MORF4L1: variants seen among roughly 807,000 people sequenced by gnomAD.
MORF4L1 encodes the protein mortality factor 4-like protein 1.
A neutral mutation model predicts 52.9 loss-of-function variants in MORF4L1; 4 were observed. The observed-to-expected ratio is 0.08, with a 90% CI of 0.04 to 0.17. The LOEUF (loss-of-function observed/expected upper bound fraction) is 0.17. MORF4L1 is among the 10% of genes least tolerant of loss of function. MORF4L1 has a pLI of 1.00. For missense variants in MORF4L1, 214 were observed against 390.4 expected (o/e 0.55, Z 3.81); for synonymous variants, 123 against 134.8 (o/e 0.91, Z 0.61).
At chr15:78,891,968 A>T (rs1374039663) in intron 7 of MORF4L1, among the ~76,000 whole-genome samples, 3 of 152,248 alleles carry the variant, frequency 2.0e-5, no homozygotes. Context: ...GAGGAACCTT[A>T]CTGAAGAATT....
intron 1 of MORF4L1, 41 bp downstream of exon 1, chr15:78,873,098 G>C: frequency 6.5e-7 from 1 of 1,550,156 alleles, no homozygotes; most frequent in South Asian, 1.2e-5. Flanking sequence ...TAACGGCGCA[G>C]GAGATAGAGG....
intron 3 of MORF4L1, among the ~76,000 whole-genome samples, chr15:78,884,143 G>T (rs1212005425): frequency 4.0e-5 from 6 of 151,374 alleles, no homozygotes; most frequent in Non-Finnish European, 7.4e-5. Flanking sequence ...GGCAGAGGTT[G>T]CAGTGAGCCG....
intron 1 of MORF4L1, 100 bp downstream of exon 1, chr15:78,873,157 G>T: frequency 6.5e-7 from 1 of 1,538,086 alleles, no homozygotes; most frequent in Non-Finnish European, 8.8e-7. Flanking sequence ...CGCGGGCTGC[G>T]CCCTGAGAAG....
chr15:78,873,157 GC>G, intron 1 of MORF4L1, 100 bp downstream of exon 1: 1 of 1,538,086 alleles, frequency 6.5e-7, no homozygotes. Context: ...CGCGGGCTGC[GC>G]CCTGAGAAGG....
intron 5 of MORF4L1, among the ~76,000 whole-genome samples, chr15:78,889,821 G>A (rs2056767903): frequency 6.6e-6 from 1 of 152,062 alleles, no homozygotes. Context: ...ATTATTTAAA[G>A]CTACAGAAAA....
intron 5 of MORF4L1, among the ~76,000 whole-genome samples, chr15:78,888,705 G>A (rs1168593251): frequency 2.6e-5 from 4 of 152,168 alleles, no homozygotes; most frequent in Admixed American, 2.6e-4. Context: ...TTGCACCACT[G>A]CGCTCCAGCC....
chr15:78,881,504 TG>T (rs1721325828), intron 3 of MORF4L1, among the ~76,000 whole-genome samples: 3 of 152,000 alleles, frequency 2.0e-5, no homozygotes, highest in Middle Eastern at 3.4e-3. Flanking sequence ...TTTTTGTGTG[TG>T]TGTGTGTGTA....
Position 78,891,460 on chromosome 15 carries a change from A to G in MORF4L1, c.350-24A>G, listed in dbSNP as rs1368199730. On this transcript the variant is annotated intron_variant, in intron 6 of 11. Coordinates refer to ENST00000426013, the MANE Select transcript of MORF4L1 (RefSeq NM_006791.4). Reference sequence around the variant, plus strand: ...GAGTTTGTTAAATTAGCTAAATGAGACCCCTCCCCGCCAACATTTACAGCA... The same window carrying G: ...GAGTTTGTTAAATTAGCTAAATGAGGCCCCTCCCCGCCAACATTTACAGCA... 7 of 1,583,682 alleles carry G rather than the reference A, an allele frequency of 4.4e-6. No homozygotes were observed. In the East Asian group the frequency reaches 1.6e-4, roughly 35 times the overall value.
intron 11 of MORF4L1, among the ~76,000 whole-genome samples, chr15:78,896,531 A>ACC (rs1013553467): frequency 6.7e-6 from 1 of 149,084 alleles, no homozygotes; most frequent in Non-Finnish European, 1.5e-5. Context: ...CTGGTCTTGA[A>ACC]CCCCAACCTC....
chr15:78,896,870 T>G, intron 11 of MORF4L1, 113 bp from the exon 12 acceptor site: 1 of 726,708 alleles, frequency 1.4e-6, no homozygotes, highest in Non-Finnish European at 2.4e-6. Flanking sequence ...AATGTCTGGT[T>G]TAATGTATTT....
chr15:78,879,043 T>C (rs1418815784), intron 2 of MORF4L1, among the ~76,000 whole-genome samples: 1 of 152,094 alleles, frequency 6.6e-6, no homozygotes, highest in African/African-American at 2.4e-5. Flanking sequence ...ACTTTTTTTT[T>C]TCCTGTGTTC....
intron 5 of MORF4L1, 72 bp from the exon 6 acceptor site, chr15:78,890,917 C>G (rs1247330080): frequency 1.6e-5 from 20 of 1,282,184 alleles, no homozygotes. Flanking sequence ...GAACTTAACC[C>G]TGATAAAGGG....
At position 78,876,387 on chromosome 15, in the gene MORF4L1, G is replaced by C. The variant is rs76121039; in HGVS notation, c.41-1826G>C. On this transcript the variant is annotated intron_variant, in intron 1 of 11. Transcript: ENST00000426013. ...ATAGTGATTGCTTTGCACTGGACTT[G>C]GTTTTCCATTGGAAATTCTTTTTTG... 0.029 allele frequency: 10,284 copies of C among 359,706 alleles called. 1,400 individuals are homozygous for C. In the East Asian group the frequency reaches 0.38, roughly 13 times the overall value. The allele number at this position is 359,706 out of a possible 1,614,324, so 22.3% of individuals were successfully genotyped here.
chr15:78,887,067 C>T (rs943516378), intron 4 of MORF4L1, among the ~76,000 whole-genome samples: 4 of 151,896 alleles, frequency 2.6e-5, no homozygotes, highest in African/African-American at 9.7e-5. Flanking sequence ...CTATTACAGT[C>T]ACTTTTTATT....
chr15:78,877,021 C>T (rs1469376156), intron 1 of MORF4L1, among the ~76,000 whole-genome samples: 3 of 151,606 alleles, frequency 2.0e-5, no homozygotes, highest in Non-Finnish European at 4.4e-5. Flanking sequence ...CTCACTGCGA[C>T]CTCCAGCTCC....
intron 5 of MORF4L1, 114 bp from the exon 6 acceptor site, chr15:78,890,875 C>A: frequency 9.6e-7 from 1 of 1,039,060 alleles, no homozygotes. Context: ...TATTTACCAC[C>A]TGATCCTTTA....
Position 78,894,840 on chromosome 15 carries a change from G to T in MORF4L1, c.823G>T (p.Ala275Ser), listed in dbSNP as rs532747121. Residue 275 changes from alanine to serine, a missense_variant, in exon 11 of 12, where the codon GCT becomes TCT. Around this residue, in one of 5 missense-constraint regions of MORF4L1, gnomAD observed 68 missense variants for 171.6 expected, o/e 0.40. Coordinates refer to ENST00000426013, the MANE Select transcript of MORF4L1 (RefSeq NM_006791.4). ...RLFVRIGAML[A>S]YTPLDEKSLA... Reference sequence around the variant, plus strand: ...AACAGTACGAATTGGAGCAATGTTGGCTTATACACCTCTGGATGAGAAGAG... The same window carrying T: ...AACAGTACGAATTGGAGCAATGTTGTCTTATACACCTCTGGATGAGAAGAG... 4.3e-6 allele frequency: 7 copies of T among 1,613,580 alleles called. No individual in the cohort carries two copies. In the South Asian group the frequency reaches 7.7e-5, roughly 18 times the overall value.
intron 6 of MORF4L1, 162 bp from the exon 7 acceptor site, chr15:78,891,322 T>A: frequency 3.0e-6 from 2 of 667,668 alleles, no homozygotes. Flanking sequence ...GAGCTCTTCA[T>A]GAAAGTTGTA....
At chr15:78,877,575 A>G (rs1358162187) in intron 1 of MORF4L1, among the ~76,000 whole-genome samples, 2 of 152,228 alleles carry the variant, frequency 1.3e-5, no homozygotes, top group South Asian at 2.1e-4. Flanking sequence ...AATTGCTTCC[A>G]AGACTTCCAG....
Sources: gnomAD v4.1 joint callset for allele counts (sites outside exome capture counted in the v4.1 genomes callset) on GRCh38, gnomAD v4.1.1 for gene constraint, gnomAD v4.1.1 regional missense constraint, MANE v1.5 for transcripts, NCBI Gene and HGNC (gene_info 2026-07-23, HGNC 2026-07-21) for gene names.